The following SUPT3H variants were observed in gnomAD, a reference collection of about 807,000 sequenced individuals.
The protein encoded by SUPT3H is transcription initiation protein SPT3 homolog.
SUPT3H carries 44 observed loss-of-function variants against 44.3 expected under a neutral mutation model. The observed-to-expected ratio is 0.99, with a 90% CI of 0.78 to 1.28. The LOEUF (loss-of-function observed/expected upper bound fraction) is 1.28, where lower values mean the gene tolerates loss of function less well. Ranked by LOEUF, SUPT3H falls within the 50% of genes most tolerant of loss-of-function variation. The pLI, the probability that SUPT3H is intolerant of heterozygous loss-of-function variation, is 0.00. For missense variants in SUPT3H, 380 were observed against 387.1 expected (o/e 0.98, Z 0.15); for synonymous variants, 124 against 125.6 (o/e 0.99, Z 0.09).
At chr6:45,110,411 C>CT (rs1024069656) in intron 2 of SUPT3H, among the ~76,000 whole-genome samples, 1 of 152,140 alleles carries the variant, frequency 6.6e-6, no homozygotes, top group African/African-American at 2.4e-5. Context: ...ATGACTAACA[C>CT]TTTTAACATT....
intron 6 of SUPT3H, among the ~76,000 whole-genome samples, chr6:44,962,152 A>G (rs1776123312): frequency 6.6e-6 from 1 of 152,234 alleles, no homozygotes; most frequent in Admixed American, 6.5e-5. Flanking sequence ...AACCAAACAG[A>G]AAAACTGTTA....
chr6:44,861,087 T>C (rs1774581772), intron 10 of SUPT3H, among the ~76,000 whole-genome samples: 1 of 151,956 alleles, frequency 6.6e-6, no homozygotes, highest in Non-Finnish European at 1.5e-5. Flanking sequence ...TTTTGTTTTG[T>C]TTTTTTATTT....
chr6:45,153,625 C>T (rs947168896), intron 2 of SUPT3H, among the ~76,000 whole-genome samples: 11 of 152,198 alleles, frequency 7.2e-5, no homozygotes, highest in Non-Finnish European at 1.6e-4. Flanking sequence ...AATCCCAACA[C>T]TTAGGGAGCC....
intron 10 of SUPT3H, among the ~76,000 whole-genome samples, chr6:44,893,855 C>T (rs1319438733): frequency 7.1e-6 from 1 of 140,274 alleles, no homozygotes. Context: ...AAAAGTGTTC[C>T]TATTTCTCCA....
intron 2 of SUPT3H, among the ~76,000 whole-genome samples, chr6:45,307,236 T>TA (rs986566106): frequency 2.6e-5 from 4 of 152,158 alleles, no homozygotes; most frequent in Non-Finnish European, 5.9e-5. Context: ...TCTGCAGACT[T>TA]AAACGTCCCT....
At chr6:45,232,234 A>G (rs1311056261) in intron 2 of SUPT3H, among the ~76,000 whole-genome samples, 2 of 152,126 alleles carry the variant, frequency 1.3e-5, no homozygotes, top group African/African-American at 2.4e-5. Context: ...AGATGTACCA[A>G]TTGTGCTGGT....
chr6:45,168,765 C>G (rs1810322445), intron 2 of SUPT3H, among the ~76,000 whole-genome samples: 1 of 152,190 alleles, frequency 6.6e-6, no homozygotes, highest in Non-Finnish European at 1.5e-5. Context: ...GGTAAGTATA[C>G]ACGCACCTGG....
chr6:45,046,151 AC>A (rs1462902204), intron 3 of SUPT3H, among the ~76,000 whole-genome samples: 1 of 152,192 alleles, frequency 6.6e-6, no homozygotes, highest in African/African-American at 2.4e-5. Flanking sequence ...CCACATGGAT[AC>A]CCAGTTGCTT....
chr6:44,838,145 T>C (rs1037997817), intron 10 of SUPT3H, among the ~76,000 whole-genome samples: 2 of 152,214 alleles, frequency 1.3e-5, no homozygotes, highest in Non-Finnish European at 2.9e-5. Context: ...ATAATATCAA[T>C]TACATTCGGT....
chr6:45,158,309 T>A (rs1422563672), intron 2 of SUPT3H, among the ~76,000 whole-genome samples: 34 of 134,014 alleles, frequency 2.5e-4, no homozygotes, highest in Non-Finnish European at 4.4e-4. Flanking sequence ...TTTTTTTTTT[T>A]TTTTTTTTGA....
chr6:45,370,489 T>C (rs1035731520), intron 1 of SUPT3H, among the ~76,000 whole-genome samples: 1 of 152,114 alleles, frequency 6.6e-6, no homozygotes, highest in African/African-American at 2.4e-5. Context: ...GTGAGAGATG[T>C]TGTAAAGCAG....
At chr6:45,183,605 A>T (rs1250574975) in intron 2 of SUPT3H, among the ~76,000 whole-genome samples, 1 of 152,204 alleles carries the variant, frequency 6.6e-6, no homozygotes, top group Non-Finnish European at 1.5e-5. Flanking sequence ...GTACCAAGCC[A>T]TTCAGGAGGG....
At chr6:44,842,253 G>T (rs1771064654) in intron 10 of SUPT3H, among the ~76,000 whole-genome samples, 1 of 152,068 alleles carries the variant, frequency 6.6e-6, no homozygotes, top group Non-Finnish European at 1.5e-5. Context: ...AGGCTCTGAG[G>T]AATCAGTTAA....
At chr6:45,368,179 G>A (rs777181613) in intron 1 of SUPT3H, among the ~76,000 whole-genome samples, 1 of 152,124 alleles carries the variant, frequency 6.6e-6, no homozygotes, top group East Asian at 1.9e-4. Flanking sequence ...AAATGCATCT[G>A]TTTGCCATAT....
chr6:45,003,042 T>C (rs1048257404), intron 6 of SUPT3H, among the ~76,000 whole-genome samples: 2 of 152,186 alleles, frequency 1.3e-5, no homozygotes, highest in Non-Finnish European at 2.9e-5. Context: ...ACTTTAAATT[T>C]TTCCTTTAGT....
chr6:44,976,078 C>A (rs1004078969), intron 6 of SUPT3H, among the ~76,000 whole-genome samples: 1 of 152,098 alleles, frequency 6.6e-6, no homozygotes, highest in Non-Finnish European at 1.5e-5. Context: ...GTTGTTTTCA[C>A]GAATCAGAAA....
intron 2 of SUPT3H, among the ~76,000 whole-genome samples, chr6:45,329,777 G>T (rs1047268283): frequency 6.6e-6 from 1 of 151,920 alleles, no homozygotes; most frequent in Admixed American, 6.6e-5. Flanking sequence ...ATATGTAAAT[G>T]ACTTTAACAT....
chr6:45,187,102 A>T (rs977892197), intron 2 of SUPT3H, among the ~76,000 whole-genome samples: 9 of 3,834 alleles, frequency 2.3e-3, no homozygotes, highest in African/African-American at 9.8e-3. Flanking sequence ...TTTCGCCTTT[A>T]AAAAAAAAAA....
At chr6:45,105,750 C>G (rs1369173302) in intron 3 of SUPT3H, among the ~76,000 whole-genome samples, 172 bp downstream of exon 3, 1 of 152,018 alleles carries the variant, frequency 6.6e-6, no homozygotes, top group Non-Finnish European at 1.5e-5. Context: ...ATTGTTGAGG[C>G]TCAGCAAATT....
Sources: gnomAD v4.1 joint callset for allele counts (sites outside exome capture counted in the v4.1 genomes callset) on GRCh38, gnomAD v4.1.1 for gene constraint, MANE v1.5 for transcripts, NCBI Gene and HGNC (gene_info 2026-07-23, HGNC 2026-07-21) for gene names.